KLRG1: variants seen among roughly 807,000 people sequenced by gnomAD.
The protein encoded by KLRG1 is killer cell lectin like receptor G1.
In KLRG1, 16 loss-of-function variants were observed where a neutral mutation model predicts 21.8. The ratio of observed to expected loss-of-function variants is 0.73; its 90% CI spans 0.50 to 1.11. The LOEUF is 1.11. KLRG1 is among the 50% of genes most tolerant of loss of function. The pLI is 0.00. For synonymous variants in KLRG1, 69 were observed against 75.9 expected (o/e 0.91, Z 0.47); for missense variants, 173 against 218.3 (o/e 0.79, Z 1.31).
chr12:9,081,274 C>G, the KLRG1 span, among the ~76,000 whole-genome samples: 1 of 151,846 alleles, frequency 6.6e-6, no homozygotes, highest in Non-Finnish European at 1.5e-5. Flanking sequence ...AAAACAACAG[C>G]AAAATTTTTT....
chr12:9,090,412 C>G, the KLRG1 span: 1 of 1,613,868 alleles, frequency 6.2e-7, no homozygotes. Flanking sequence ...TGCACAGATG[C>G]AGTGAGGCGC....
intron 1 of KLRG1, among the ~76,000 whole-genome samples, chr12:8,966,127 C>T (rs1322540187): frequency 1.3e-5 from 2 of 152,122 alleles, no homozygotes; most frequent in Non-Finnish European, 2.9e-5. Context: ...GGAAAACTGG[C>T]TAGCCATACA....
chr12:9,201,113 GA>G, the KLRG1 span: 11 of 1,590,390 alleles, frequency 6.9e-6, no homozygotes, highest in Admixed American at 3.4e-5. Flanking sequence ...AATAGTCCTT[GA>G]GCAACTCAAA....
chr12:8,960,695 AC>A (rs1227382453), intron 1 of KLRG1, among the ~76,000 whole-genome samples: 2 of 152,220 alleles, frequency 1.3e-5, no homozygotes, highest in African/African-American at 4.8e-5. Context: ...TGAATAGTGA[AC>A]AGCCTTAGAA....
chr12:9,168,073 A>G, the KLRG1 span, among the ~76,000 whole-genome samples: 3 of 152,264 alleles, frequency 2.0e-5, no homozygotes, highest in Non-Finnish European at 4.4e-5. Flanking sequence ...GCCAAGGAAC[A>G]TAGAAAATGC....
chr12:8,989,785 G>C, intron 1 of KLRG1, 68 bp downstream of exon 1: 1 of 873,164 alleles, frequency 1.1e-6, no homozygotes, highest in Non-Finnish European at 1.9e-6. Context: ...ATGGGGAGTA[G>C]AATAAGTTTA....
At chr12:9,080,262 T>C in the KLRG1 span, 1 of 863,162 alleles carries the variant, frequency 1.2e-6, no homozygotes, top group South Asian at 1.7e-5. Context: ...AAGCTAGGAC[T>C]ATGCCTTATA....
the KLRG1 span, among the ~76,000 whole-genome samples, chr12:9,138,441 C>A: frequency 3.0e-4 from 46 of 151,394 alleles, no homozygotes; most frequent in African/African-American, 1.1e-3. Flanking sequence ...CATCTATATT[C>A]ATCAGAGATA....
the KLRG1 span, among the ~76,000 whole-genome samples, chr12:9,212,811 T>G: frequency 2.6e-5 from 4 of 152,202 alleles, no homozygotes; most frequent in Non-Finnish European, 5.9e-5. Context: ...AAATTCCCAT[T>G]ACATAACATT....
At chr12:9,123,673 A>C in the KLRG1 span, among the ~76,000 whole-genome samples, 4 of 145,110 alleles carry the variant, frequency 2.8e-5, no homozygotes, top group African/African-American at 1.1e-4. Context: ...GCTGCAGATA[A>C]GAGAGAACAA....
the KLRG1 span, among the ~76,000 whole-genome samples, chr12:9,111,337 C>A: frequency 6.6e-6 from 1 of 151,966 alleles, no homozygotes. Flanking sequence ...GTGGTAAGTG[C>A]AAATAGAAAA....
the KLRG1 span, among the ~76,000 whole-genome samples, chr12:9,062,697 C>T: frequency 6.8e-6 from 1 of 146,074 alleles, no homozygotes; most frequent in Non-Finnish European, 1.5e-5. Flanking sequence ...ATATATTGTA[C>T]ATTTATAATA....
chr12:9,004,744 T>C (rs945452349), intron 3 of KLRG1, among the ~76,000 whole-genome samples: 2 of 152,170 alleles, frequency 1.3e-5, no homozygotes, highest in African/African-American at 4.8e-5. Flanking sequence ...GCCTCCCAAA[T>C]TGCTGGTATT....
chr12:8,988,314 T>G (rs1486586934), upstream of KLRG1: 2 of 152,246 alleles, frequency 1.3e-5, no homozygotes, highest in East Asian at 3.8e-4. Flanking sequence ...GCACTCACCT[T>G]TGTATTCTCT....
At chr12:9,142,679 A>AT in the KLRG1 span, among the ~76,000 whole-genome samples, 2 of 152,000 alleles carry the variant, frequency 1.3e-5, no homozygotes, top group African/African-American at 2.4e-5. Context: ...TAGTTATAAG[A>AT]TTTTTTTTCT....
the KLRG1 span, chr12:9,091,065 C>CA: frequency 3.7e-3 from 4,314 of 1,177,770 alleles, 123 homozygotes; most frequent in African/African-American, 0.06. Context: ...TTGGAGATCT[C>CA]AAAACCTGTA....
chr12:9,091,958 GTT>G, the KLRG1 span, among the ~76,000 whole-genome samples: 4 of 152,204 alleles, frequency 2.6e-5, no homozygotes, highest in Admixed American at 6.5e-5. Context: ...ATGTATTTAT[GTT>G]AAACATCTCC....
the KLRG1 span, chr12:9,154,772 C>T: frequency 1.2e-6 from 2 of 1,614,004 alleles, no homozygotes; most frequent in Non-Finnish European, 1.7e-6. Context: ...CAGAGGGAGC[C>T]TGGGTTTGGT....
the KLRG1 span, among the ~76,000 whole-genome samples, chr12:9,102,829 T>C: frequency 6.6e-6 from 1 of 152,212 alleles, no homozygotes; most frequent in Non-Finnish European, 1.5e-5. Flanking sequence ...CTTTTTGAAA[T>C]GAGTAAACAT....
Sources: gnomAD v4.1 joint callset for allele counts (sites outside exome capture counted in the v4.1 genomes callset) on GRCh38, gnomAD v4.1.1 for gene constraint, MANE v1.5 for transcripts, NCBI Gene and HGNC (gene_info 2026-07-23, HGNC 2026-07-21) for gene names.